The following CARS1 variants were observed in gnomAD, a reference collection of about 807,000 sequenced individuals.
CARS1 encodes the protein cysteinyl-tRNA synthetase 1, also known as cysteine--tRNA ligase, cytoplasmic.
A neutral mutation model predicts 106.2 loss-of-function variants in CARS1; 48 were observed. That is an observed-to-expected ratio of 0.45 (90% CI 0.36 to 0.57). The LOEUF is 0.57. CARS1 is among the 20% of genes least tolerant of loss of function. The probability of loss-of-function intolerance (pLI) is 0.00; values close to 1 mark genes in which losing one functional copy is unlikely to be tolerated. For synonymous variants in CARS1, 409 were observed against 403.4 expected (o/e 1.01, Z -0.17); for missense variants, 968 against 1,057.2 (o/e 0.92, Z 1.17).
intron 3 of CARS1, 37 bp downstream of exon 3, chr11:3,042,128 T>C (rs1452988047): frequency 3.3e-6 from 5 of 1,502,086 alleles, no homozygotes; most frequent in East Asian, 2.3e-5. Context: ...TGCCTCCCCA[T>C]TGTGTGCGTG....
intron 1 of CARS1, among the ~76,000 whole-genome samples, chr11:3,051,262 GAA>G (rs1342813571): frequency 6.6e-6 from 1 of 152,258 alleles, no homozygotes; most frequent in Non-Finnish European, 1.5e-5. Context: ...CAAGGAAAGA[GAA>G]AGACAGGGGT....
Position 3,057,327 on chromosome 11 carries a change from C to T in CARS1, c.25+16G>A. ...GCCCCCAGCCGCCCTCAGCCTGGCC[C>T]GGCCGCGCCGCTCACCCTGCTGCCC... On this transcript the variant is annotated intron_variant, in intron 1 of 22. Coordinates refer to ENST00000380525, the MANE Select transcript of CARS1 (RefSeq NM_001014437.3). 3 of 1,607,146 alleles carry T rather than the reference C, an allele frequency of 1.9e-6. No individual in the cohort carries two copies. Among genetic ancestry groups the T allele is most frequent in the South Asian group, 1.1e-5 (1 of 90,538 alleles).
At chr11:3,014,318 C>T (rs1850780380) in intron 17 of CARS1, among the ~76,000 whole-genome samples, 1 of 152,210 alleles carries the variant, frequency 6.6e-6, no homozygotes, top group South Asian at 2.1e-4. Context: ...CTCCCTTGCT[C>T]CTAAAACCAT....
chr11:3,002,150 C>T, intron 21 of CARS1, 97 bp from the exon 22 acceptor site: 1 of 831,020 alleles, frequency 1.2e-6, no homozygotes, highest in Non-Finnish European at 2.0e-6. Context: ...CCTCAACTTG[C>T]TTCCAAGCCC....
intron 1 of CARS1, among the ~76,000 whole-genome samples, chr11:3,051,749 C>T (rs1040914939): frequency 3.9e-5 from 6 of 152,164 alleles, no homozygotes; most frequent in Admixed American, 1.3e-4. Flanking sequence ...GGCCACAGTT[C>T]GAAAGCTGTT....
chr11:3,042,248 G>A lies in CARS1; in HGVS notation c.283C>T (p.Arg95Trp), dbSNP rs142697748. ...GGGGACCACTGGGGCTGCACACGCC[G>A]GCCTTTGCCTGGGAGGCAGAGAGAG... ...QPCRLQASKG[R>W]RVQPQWSPPA... The change falls in exon 3 of 23, where the codon CGG becomes TGG. Residue 95 changes from arginine to tryptophan, a missense_variant. Physicochemically the swap from Arg to Trp is moderately radical, Grantham distance 101 (BLOSUM62 -3). Coordinates refer to ENST00000380525, the MANE Select transcript of CARS1 (RefSeq NM_001014437.3). 89 of 1,611,816 alleles carry A rather than the reference G, an allele frequency of 5.5e-5. 1 individual carries two copies. The highest frequency in any genetic ancestry group is 5.1e-4 in the African/African-American group (38 of 75,068).
rs114985608 is a variant in CARS1, at chr11:3,015,797, G to A, written c.1970C>T (p.Pro657Leu). Residue 657 changes from proline (P) to leucine (L), a missense_variant, in exon 17 of 23, where the codon CCT becomes CTT. Coordinates refer to ENST00000380525, the MANE Select transcript of CARS1 (RefSeq NM_001014437.3). ...DSSLGFPVGG[P>L]GTSLSLEATV... ...GCTACTCACACTGAGGCTGGTTCCA[G>A]GCCCTCCGACCGGGAATCCCAGGGA... 242 of 1,614,186 alleles carry A rather than the reference G, an allele frequency of 1.5e-4. 1 individual carries two copies. The African/African-American group carries it at 3.0e-3, about 20-fold the overall frequency.
intron 10 of CARS1, among the ~76,000 whole-genome samples, chr11:3,025,749 C>T (rs1243218914): frequency 6.6e-6 from 1 of 152,178 alleles, no homozygotes; most frequent in Non-Finnish European, 1.5e-5. Flanking sequence ...GAAGAAAACA[C>T]CAACGAAAGG....
chr11:3,055,039 G>C, intron 1 of CARS1: 1 of 693,880 alleles, frequency 1.4e-6, no homozygotes, highest in Non-Finnish European at 2.6e-6. Context: ...CAAAGGAAAA[G>C]CTGTACACCC....
chr11:3,038,025 G>C lies in CARS1; in HGVS notation c.801+25C>G. 6.2e-7 allele frequency: 1 copy of C among 1,603,264 alleles called. No individual in the cohort carries two copies. On this transcript the variant is annotated intron_variant, in intron 7 of 22. Transcript: ENST00000380525. This position sits in a 1 kb window ranked among gnomAD's most constrained non-coding sequence, Gnocchi z 4.0. ...GCCCGACATTTGACCCGAACGGGCTGTCTGGGAGATGTGTGAAGCCTCACC... is the reference window on the plus strand; with the variant it reads ...GCCCGACATTTGACCCGAACGGGCTCTCTGGGAGATGTGTGAAGCCTCACC...
intron 18 of CARS1, among the ~76,000 whole-genome samples, chr11:3,010,972 C>T (rs1850391283): frequency 6.6e-6 from 1 of 152,346 alleles, no homozygotes; most frequent in Admixed American, 6.5e-5. Context: ...CACACAGAGG[C>T]CCCCTGGGGA....
At position 3,015,820 on chromosome 11, in the gene CARS1, G is replaced by A. The variant is rs1327229249; in HGVS notation, c.1947C>T (p.Ser649=). 4.3e-6 allele frequency: 7 copies of A among 1,614,138 alleles called. No individual in the cohort carries two copies. Among genetic ancestry groups the A allele is most frequent in the Non-Finnish European group, 5.1e-6 (6 of 1,180,028 alleles). The change falls in exon 17 of 23, where the codon TCC becomes TCT. Residue 649 remains serine, a synonymous_variant. Transcript: ENST00000380525. ...CAGGCCCTCCGACCGGGAATCCCAG[G>A]GAGCTGTCCTCTTCTACGGCCCCAA... ...KIFGAVEEDS[S]LGFPVGGPGT...
rs763523863 is a variant in CARS1 at position 3,038,014 on chromosome 11, C to G, written c.801+36G>C. On this transcript the variant is annotated intron_variant, in intron 7 of 22. Coordinates refer to ENST00000380525, the MANE Select transcript of CARS1 (RefSeq NM_001014437.3). The surrounding 1 kb of genome is among the most constrained non-coding windows in gnomAD (Gnocchi z 4.0). ...GTCTATGCACGGCCCGACATTTGAC[C>G]CGAACGGGCTGTCTGGGAGATGTGT... 2 of 1,594,502 alleles carry G rather than the reference C, an allele frequency of 1.3e-6. No homozygotes were observed. Among genetic ancestry groups the G allele is most frequent in the Non-Finnish European group, 1.7e-6 (2 of 1,166,240 alleles).
In CARS1 at chr11:3,039,060, A is replaced by C. The variant is rs1854063521; in HGVS notation, c.651+134T>G. 1 of 599,398 alleles carries C rather than the reference A, an allele frequency of 1.7e-6. No homozygotes were observed. The highest frequency in any genetic ancestry group is 1.9e-5 in the African/African-American group (1 of 53,038). 37.1% of individuals were successfully genotyped at this position (599,398 alleles called of 1,614,324 possible). On this transcript the variant is annotated intron_variant, in intron 6 of 22. Coordinates refer to ENST00000380525, the MANE Select transcript of CARS1 (RefSeq NM_001014437.3). The surrounding 1 kb of genome is among the most constrained non-coding windows in gnomAD (Gnocchi z 5.6). ...ACCTATGGAGACTTCAGCGCCCCTG[A>C]CGGAACTGGCTTGAGTAACATACAC...
In CARS1 at chr11:3,046,641, T is replaced by C. The variant is rs1855115930; in HGVS notation, c.274+1112A>G. Among the ~76,000 whole-genome samples, 1 of 151,842 alleles carries C rather than the reference T, an allele frequency of 6.6e-6. No individual in the cohort carries two copies. The highest frequency in any genetic ancestry group is 2.4e-5 in the African/African-American group (1 of 41,296). On this transcript the variant is annotated intron_variant, in intron 2 of 22. Transcript: ENST00000380525. The surrounding 1 kb of genome is among the most constrained non-coding windows in gnomAD (Gnocchi z 5.8). ...GACCCACGGCAGAGGCGGGGGGGCATGTTCCCAATCCCAGGCCCCAACGGA... is the reference window on the plus strand; with the variant it reads ...GACCCACGGCAGAGGCGGGGGGGCACGTTCCCAATCCCAGGCCCCAACGGA...
Position 3,037,909 on chromosome 11 carries a change from C to T in CARS1, c.801+141G>A. 1 of 824,788 alleles carries T rather than the reference C, an allele frequency of 1.2e-6. No individual in the cohort carries two copies. Among genetic ancestry groups the T allele is most frequent in the Non-Finnish European group, 1.9e-6 (1 of 536,904 alleles). The allele number at this position is 824,788 out of a possible 1,614,324, so 51.1% of individuals were successfully genotyped here. ...ACTCAGCCACCGCAGAACAGGGCCG[C>T]CTGCCACAGTGGAGCTACTGGAGAC... On this transcript the variant is annotated intron_variant, in intron 7 of 22. Transcript: ENST00000380525. This position sits in a 1 kb window ranked among gnomAD's most constrained non-coding sequence, Gnocchi z 5.9.
Position 3,039,374 on chromosome 11 carries a change from C to T in CARS1, c.553-82G>A, listed in dbSNP as rs1285320104. On this transcript the variant is annotated intron_variant, in intron 5 of 22. Transcript: ENST00000380525. This position sits in a 1 kb window ranked among gnomAD's most constrained non-coding sequence, Gnocchi z 5.6. The stretch of plus-strand genomic sequence containing the variant: ...TGCAGCAGGCCACTCTCTCCCTTGG[C>T]CAACTCTAAGTGAGGGTGAGGGTGG... 3 of 872,326 alleles carry T rather than the reference C, an allele frequency of 3.4e-6. No individual in the cohort carries two copies. Among genetic ancestry groups the T allele is most frequent in the African/African-American group, 1.7e-5 (1 of 60,512 alleles). The allele number at this position is 872,326 out of a possible 1,614,324, so 54.0% of individuals were successfully genotyped here.
intron 9 of CARS1, chr11:3,027,040 C>T: frequency 4.4e-6 from 2 of 454,560 alleles, no homozygotes; most frequent in Middle Eastern, 5.8e-4. Context: ...CGTCCTGTGA[C>T]CCATGCAGCT....
intron 7 of CARS1, among the ~76,000 whole-genome samples, chr11:3,035,877 GGC>G (rs1260540105): frequency 6.6e-6 from 1 of 152,204 alleles, no homozygotes; most frequent in Non-Finnish European, 1.5e-5. Flanking sequence ...CTACAGAGCT[GGC>G]CATTAGCTGG....
Sources: gnomAD v4.1 joint callset for allele counts (sites outside exome capture counted in the v4.1 genomes callset) on GRCh38, gnomAD v4.1.1 for gene constraint, Gnocchi (gnomAD v3.1) non-coding constraint, MANE v1.5 for transcripts, NCBI Gene and HGNC (gene_info 2026-07-23, HGNC 2026-07-21) for gene names.